The following GALNT13 variants were observed in gnomAD, a reference collection of about 807,000 sequenced individuals.
GALNT13 encodes UDP-GalNAc:polypeptide N-acetylgalactosaminyltransferase 13.
GALNT13 carries 28 observed loss-of-function variants against 64.2 expected under a neutral mutation model. The observed-to-expected ratio is 0.44, with a 90% CI of 0.32 to 0.60. GALNT13 has a LOEUF of 0.60. GALNT13 is among the 20% of genes least tolerant of loss of function. The pLI is 0.05. For synonymous variants in GALNT13, 214 were observed against 224.6 expected (o/e 0.95, Z 0.42); for missense variants, 577 against 669.8 (o/e 0.86, Z 1.53).
chr2:153,134,122 G>GA, the GALNT13 span, among the ~76,000 whole-genome samples: 3 of 152,214 alleles, frequency 2.0e-5, no homozygotes, highest in African/African-American at 7.2e-5. Context: ...TTAAGATGAA[G>GA]GAAATTGAAA....
chr2:154,155,928 C>T (rs1684390128), intron 4 of GALNT13, among the ~76,000 whole-genome samples: 1 of 148,848 alleles, frequency 6.7e-6, no homozygotes. Context: ...TATATATGGA[C>T]AAATATATTT....
At chr2:153,350,076 TC>T in the GALNT13 span, among the ~76,000 whole-genome samples, 1 of 152,176 alleles carries the variant, frequency 6.6e-6, no homozygotes, top group African/African-American at 2.4e-5. Context: ...TCCTCTCGCT[TC>T]TTTGGTGATT....
intron 9 of GALNT13, among the ~76,000 whole-genome samples, chr2:154,301,854 A>G (rs535394049): frequency 7.9e-4 from 120 of 152,042 alleles, no homozygotes; most frequent in African/African-American, 2.8e-3. Context: ...ATACAGAGAG[A>G]TCTATATTTA....
the GALNT13 span, among the ~76,000 whole-genome samples, chr2:153,073,883 T>G: frequency 2.0e-5 from 3 of 152,144 alleles, no homozygotes; most frequent in Non-Finnish European, 4.4e-5. Context: ...TATAATTTGT[T>G]TTTTAAGAGA....
chr2:154,316,356 C>T (rs2105146339), intron 9 of GALNT13, among the ~76,000 whole-genome samples: 2 of 152,130 alleles, frequency 1.3e-5, no homozygotes, highest in African/African-American at 4.8e-5. Context: ...GAATTTTGTA[C>T]AACTTAAAAA....
the GALNT13 span, among the ~76,000 whole-genome samples, chr2:153,126,338 A>ATATATATATATATT: frequency 3.1e-5 from 2 of 64,190 alleles, no homozygotes; most frequent in African/African-American, 1.0e-4. Context: ...ATATATATAT[A>ATATATATATATATT]TATATATATG....
At chr2:154,388,567 TATAAG>T (rs1406489216) in intron 9 of GALNT13, among the ~76,000 whole-genome samples, 35 of 152,352 alleles carry the variant, frequency 2.3e-4, no homozygotes, top group Non-Finnish European at 3.8e-4. Flanking sequence ...TTATATTTGG[TATAAG>T]ATAAGAATAA....
the GALNT13 span, among the ~76,000 whole-genome samples, chr2:153,836,023 CT>C: frequency 1.9e-4 from 29 of 152,122 alleles, 1 homozygote; most frequent in African/African-American, 5.3e-4. Context: ...ATCTTGTCCC[CT>C]GATCTATGGT....
In GALNT13 at chr2:154,014,635, C is replaced by CTTTTTTTTTTTTTTTTTTTTTT. The variant is rs60950180; in HGVS notation, c.142+70011_142+70012insTTTTTTTTTTTTTTTTTTTTTT. Among the ~76,000 whole-genome samples, 22 of 77,218 alleles carry CTTTTTTTTTTTTTTTTTTTTTT rather than the reference C, an allele frequency of 2.8e-4. 5 individuals carry two copies. The highest frequency in any genetic ancestry group is 4.3e-4 in the Non-Finnish European group (16 of 37,104). 50.7% of individuals were successfully genotyped at this position (77,218 alleles called of 152,430 possible). ...ACTTTTTGTCTTTCTGATAATTCTC[C>CTTTTTTTTTTTTTTTTTTTTTT]TTTTTTTTTTTTTTTGAGACGGAGT... On this transcript the variant is annotated intron_variant, in intron 3 of 12. Coordinates refer to ENST00000392825, the MANE Select transcript of GALNT13 (RefSeq NM_052917.4).
intron 8 of GALNT13, among the ~76,000 whole-genome samples, chr2:154,294,108 G>A (rs947006152): frequency 9.9e-5 from 15 of 152,144 alleles, no homozygotes; most frequent in African/African-American, 3.6e-4. Context: ...ATGGCTGATG[G>A]GAGAAGCACT....
the GALNT13 span, chr2:153,421,899 G>T: frequency 1.9e-5 from 1 of 52,240 alleles, no homozygotes. Flanking sequence ...TAGAGCTCCC[G>T]GCAGCATTGC....
chr2:153,877,673 G>T (rs1686478527), intron 1 of GALNT13, among the ~76,000 whole-genome samples: 1 of 151,952 alleles, frequency 6.6e-6, no homozygotes, highest in Non-Finnish European at 1.5e-5. Flanking sequence ...AGATAGAGAA[G>T]GTGAGATTTA....
At chr2:153,856,909 A>G in the GALNT13 span, among the ~76,000 whole-genome samples, 2 of 152,316 alleles carry the variant, frequency 1.3e-5, no homozygotes, top group African/African-American at 2.4e-5. Flanking sequence ...ATAGAACTGT[A>G]TGGGATAGTA....
At chr2:154,401,969 T>C (rs922458498) in intron 10 of GALNT13, among the ~76,000 whole-genome samples, 1 of 152,150 alleles carries the variant, frequency 6.6e-6, no homozygotes, top group Admixed American at 6.5e-5. Context: ...ACAGAAAATA[T>C]GCTTTAAATG....
At chr2:154,186,074 C>T (rs983128147) in intron 4 of GALNT13, among the ~76,000 whole-genome samples, 1 of 151,962 alleles carries the variant, frequency 6.6e-6, no homozygotes, top group African/African-American at 2.4e-5. Context: ...TTTTTTTACA[C>T]ATTGTAATGC....
At chr2:154,316,097 A>T (rs547469590) in intron 9 of GALNT13, among the ~76,000 whole-genome samples, 81 of 152,040 alleles carry the variant, frequency 5.3e-4, no homozygotes, top group African/African-American at 1.4e-3. Context: ...CAAAAAAATT[A>T]AAAAAAAATT....
chr2:154,146,456 C>G (rs1683606668), intron 4 of GALNT13, among the ~76,000 whole-genome samples: 1 of 152,046 alleles, frequency 6.6e-6, no homozygotes, highest in Non-Finnish European at 1.5e-5. Flanking sequence ...GTATTATATA[C>G]ATAACATAAA....
the GALNT13 span, among the ~76,000 whole-genome samples, chr2:153,482,515 G>A: frequency 6.6e-6 from 1 of 152,138 alleles, no homozygotes; most frequent in Non-Finnish European, 1.5e-5. Flanking sequence ...TGTTGCCCAG[G>A]CTGGACTGCA....
chr2:154,278,603 G>C (rs531229536), intron 8 of GALNT13, among the ~76,000 whole-genome samples: 7 of 152,134 alleles, frequency 4.6e-5, no homozygotes, highest in Non-Finnish European at 7.4e-5. Context: ...TGATTGCTAA[G>C]TCAAAACTGT....
Sources: allele counts gnomAD v4.1 joint callset (sites outside exome capture counted in the v4.1 genomes callset), GRCh38; gene constraint gnomAD v4.1.1; transcripts MANE v1.5; gene names NCBI Gene and HGNC (gene_info 2026-07-23, HGNC 2026-07-21).